The following TBC1D5 variants were observed in gnomAD, a reference collection of about 807,000 sequenced individuals.
The protein encoded by TBC1D5 is TBC1 domain family, member 5.
In TBC1D5, 75 loss-of-function variants were observed where a neutral mutation model predicts 100.3. The ratio of observed to expected loss-of-function variants is 0.75; its 90% confidence interval spans 0.62 to 0.91. TBC1D5 has a LOEUF of 0.91. TBC1D5 is among the 40% of genes least tolerant of loss of function. The probability of loss-of-function intolerance (pLI) is 0.00; values close to 1 mark genes in which losing one functional copy is unlikely to be tolerated. For missense variants in TBC1D5, 910 were observed against 942.4 expected (o/e 0.97, Z 0.45); for synonymous variants, 323 against 325.6 (o/e 0.99, Z 0.09).
Position 17,562,516 on chromosome 3 carries a change from C to CA in TBC1D5, c.-35-53912dup, listed in dbSNP as rs528694924. Among the ~76,000 whole-genome samples the CA allele has an allele frequency of 9.5e-3, 1,295 of 135,996 alleles. 7 individuals carry two copies. The highest frequency in any genetic ancestry group is 0.026 in the African/African-American group (966 of 37,504). 89.2% of individuals were successfully genotyped at this position (135,996 alleles called of 152,430 possible). A position where few individuals can be genotyped will look rare whatever the true frequency, so the allele number is the denominator to read the frequency against. On this transcript the variant is annotated intron_variant, in intron 2 of 21. Coordinates refer to ENST00000253692, the Ensembl canonical transcript of TBC1D5. ...ATGAGTAAGACTGCATGACTTAAAA[C>CA]AAAAAAAAAAAAGAAAGAAAGATTC...
intron 3 of TBC1D5, among the ~76,000 whole-genome samples, chr3:17,464,005 G>A (rs2095261010): frequency 7.4e-6 from 1 of 135,418 alleles, no homozygotes. Flanking sequence ...AGGCTGGAGT[G>A]CCACGGCGCG....
At chr3:17,479,378 G>C (rs1421883008) in intron 3 of TBC1D5, among the ~76,000 whole-genome samples, 2 of 152,168 alleles carry the variant, frequency 1.3e-5, no homozygotes, top group African/African-American at 4.8e-5. Flanking sequence ...GCACAAGCCT[G>C]GGTGAGAGAC....
At chr3:17,581,659 C>T (rs2096697735) in intron 2 of TBC1D5, among the ~76,000 whole-genome samples, 1 of 152,160 alleles carries the variant, frequency 6.6e-6, no homozygotes, top group South Asian at 2.1e-4. Context: ...TTATGTCTCA[C>T]CTGGAATCTT....
intron 13 of TBC1D5, among the ~76,000 whole-genome samples, chr3:17,353,646 C>T (rs531218531): frequency 6.6e-6 from 1 of 151,886 alleles, no homozygotes; most frequent in Non-Finnish European, 1.5e-5. Context: ...TCTTATTAAG[C>T]CAAAAGGTTA....
chr3:17,532,451 A>C (rs1460850452), intron 2 of TBC1D5, among the ~76,000 whole-genome samples: 1 of 152,212 alleles, frequency 6.6e-6, no homozygotes, highest in Non-Finnish European at 1.5e-5. Flanking sequence ...ATCTAGAACT[A>C]GAAATACCAT....
At chr3:17,549,660 G>A (rs1438881810) in intron 2 of TBC1D5, among the ~76,000 whole-genome samples, 1 of 152,156 alleles carries the variant, frequency 6.6e-6, no homozygotes, top group Non-Finnish European at 1.5e-5. Flanking sequence ...CGCAGGCGCT[G>A]TGGCTCACGC....
Position 17,678,666 on chromosome 3 carries a change from T to TAAA in TBC1D5, c.-100-54756_-100-54754dup, listed in dbSNP as rs150614567. 6.3e-3 allele frequency among the ~76,000 whole-genome samples: 692 copies of TAAA among 109,044 alleles called. 8 individuals carry two copies. The highest frequency in any genetic ancestry group is 0.025 in the African/African-American group (608 of 23,954). 71.5% of individuals were successfully genotyped at this position (109,044 alleles called of 152,430 possible). A position where few individuals can be genotyped will look rare whatever the true frequency, so the allele number is the denominator to read the frequency against. On this transcript the variant is annotated intron_variant, in intron 1 of 21. Transcript: ENST00000253692. The stretch of plus-strand genomic sequence containing the variant: ...AAGAGAACTGAGGGAAAAAGAGGGA[T>TAAA]AAAAAAAAAAAAAAAAAAAAACAGG...
rs368049315 is a variant in TBC1D5 at position 17,399,075 on chromosome 3, C to T, written c.509+4106G>A. Among the ~76,000 whole-genome samples, 155 of 152,090 alleles carry T rather than the reference C, an allele frequency of 1.0e-3. 2 individuals are homozygous for T. In the South Asian group the frequency reaches 0.018, roughly 18 times the overall value. ...GAAGCAGCATTCCAGCAGAGGAGAG[C>T]ATGAAAGATTCCAAAACATTGAAAA... On this transcript the variant is annotated intron_variant, in intron 8 of 21. Transcript: ENST00000253692.
intron 2 of TBC1D5, among the ~76,000 whole-genome samples, chr3:17,572,350 T>C (rs1357079989): frequency 6.6e-6 from 1 of 151,682 alleles, no homozygotes; most frequent in Non-Finnish European, 1.5e-5. Flanking sequence ...ATCCCTCCAC[T>C]AGGAAGTCCA....
intron 15 of TBC1D5, among the ~76,000 whole-genome samples, chr3:17,278,131 A>G (rs1214798055): frequency 6.6e-6 from 1 of 152,208 alleles, no homozygotes; most frequent in Non-Finnish European, 1.5e-5. Flanking sequence ...AGTTTACCAG[A>G]GGAATGTGGG....
At chr3:17,677,490 C>G (rs1262543148) in intron 1 of TBC1D5, among the ~76,000 whole-genome samples, 1 of 152,084 alleles carries the variant, frequency 6.6e-6, no homozygotes, top group Non-Finnish European at 1.5e-5. Flanking sequence ...ATTAAAAAGT[C>G]AGGAAACAGG....
At chr3:17,691,645 C>T (rs1411014082) in intron 1 of TBC1D5, among the ~76,000 whole-genome samples, 6 of 152,002 alleles carry the variant, frequency 3.9e-5, no homozygotes, top group African/African-American at 1.2e-4. Flanking sequence ...GGTGAAACCT[C>T]GCCTCTACTA....
intron 3 of TBC1D5, among the ~76,000 whole-genome samples, chr3:17,439,139 A>G (rs1414876945): frequency 6.6e-6 from 1 of 152,196 alleles, no homozygotes; most frequent in East Asian, 1.9e-4. Flanking sequence ...GGTGATTACA[A>G]TCAGTGCTAG....
At chr3:17,550,070 T>C (rs1048762466) in intron 2 of TBC1D5, among the ~76,000 whole-genome samples, 6 of 152,104 alleles carry the variant, frequency 3.9e-5, no homozygotes, top group African/African-American at 1.2e-4. Flanking sequence ...TGGTTTTTCA[T>C]AGGCTTCCTG....
chr3:17,433,068 G>A (rs552357846), intron 3 of TBC1D5, among the ~76,000 whole-genome samples: 1 of 151,492 alleles, frequency 6.6e-6, no homozygotes, highest in African/African-American at 2.4e-5. Context: ...CAGTCTGGAA[G>A]AGGGTAGCTA....
In TBC1D5 at chr3:17,157,496, T is replaced by A. The variant is rs188018919; in HGVS notation, c.*3467A>T. 2.0e-5 allele frequency: 3 copies of A among 152,396 alleles called. No homozygotes were observed. The East Asian group carries it at 5.8e-4, about 29-fold the overall frequency. The allele number at this position is 152,396 out of a possible 1,614,324, so 9.4% of individuals were successfully genotyped here. A position where few individuals can be genotyped will look rare whatever the true frequency, so the allele number is the denominator to read the frequency against. On this transcript the variant is annotated 3_prime_UTR_variant, in exon 22 of 22. Transcript: ENST00000253692. The stretch of plus-strand genomic sequence containing the variant: ...AGGAAGCCTGGCTTGCCAGGTGCCA[T>A]CCTCAATGTATCCGGCCTCTTCTCT...
intron 3 of TBC1D5, among the ~76,000 whole-genome samples, chr3:17,436,000 AG>A (rs1189706779): frequency 2.0e-5 from 3 of 152,326 alleles, no homozygotes; most frequent in African/African-American, 7.2e-5. Flanking sequence ...TCGAATTTTT[AG>A]GGTGGGGGTC....
chr3:17,275,744 T>C (rs2079924218), intron 15 of TBC1D5, among the ~76,000 whole-genome samples: 1 of 152,168 alleles, frequency 6.6e-6, no homozygotes, highest in African/African-American at 2.4e-5. Context: ...AAGAGGCACA[T>C]ATGGGCAAAG....
chr3:17,182,053 G>A (rs2068513192), intron 19 of TBC1D5, among the ~76,000 whole-genome samples: 1 of 152,140 alleles, frequency 6.6e-6, no homozygotes, highest in Non-Finnish European at 1.5e-5. Context: ...GCCATAATAT[G>A]TTAAAAAACA....
Sources: allele counts gnomAD v4.1 joint callset (sites outside exome capture counted in the v4.1 genomes callset), GRCh38; gene constraint gnomAD v4.1.1; transcripts MANE v1.5; gene names NCBI Gene and HGNC (gene_info 2026-07-23, HGNC 2026-07-21).